CHSY3: variants seen among roughly 807,000 people sequenced by gnomAD.
CHSY3 encodes the protein N-acetylgalactosaminyl-proteoglycan 3-beta-glucuronosyltransferase 3.
A neutral mutation model predicts 67.2 loss-of-function variants in CHSY3; 35 were observed. That is an observed-to-expected ratio of 0.52 (90% confidence interval 0.40 to 0.69). The LOEUF (loss-of-function observed/expected upper bound fraction) is 0.69. CHSY3 is among the 30% of genes least tolerant of loss of function. The probability of loss-of-function intolerance (pLI) is 0.00; values close to 1 mark genes in which losing one functional copy is unlikely to be tolerated. For synonymous variants in CHSY3, 474 were observed against 434.7 expected, an observed-to-expected ratio of 1.09 and a Z score of -1.12; for missense variants, 1,069 against 1,138.5, an observed-to-expected ratio of 0.94 and a Z score of 0.88.
At chr5:129,992,771 G>A (rs1466132718) in intron 2 of CHSY3, among the ~76,000 whole-genome samples, 2 of 152,140 alleles carry the variant, frequency 1.3e-5, no homozygotes, top group Admixed American at 1.3e-4. Context: ...CTGCCTTAAG[G>A]TTTTGCCTAA....
At chr5:130,020,424 T>G (rs1421229060) in intron 2 of CHSY3, among the ~76,000 whole-genome samples, 1 of 4,744 alleles carries the variant, frequency 2.1e-4, no homozygotes, top group African/African-American at 3.2e-4. Flanking sequence ...CATCTCAAAA[T>G]ATATATATAT....
intron 2 of CHSY3, among the ~76,000 whole-genome samples, chr5:129,960,137 T>A (rs1762289064): frequency 6.6e-6 from 1 of 152,060 alleles, no homozygotes; most frequent in South Asian, 2.1e-4. Flanking sequence ...TAGCACATCT[T>A]CCTATCATGG....
intron 2 of CHSY3, among the ~76,000 whole-genome samples, chr5:130,178,225 A>ATT (rs1258091404): frequency 0.025 from 1,847 of 74,706 alleles, 23 homozygotes; most frequent in Non-Finnish European, 0.033. Context: ...ATATATTTAT[A>ATT]TTTATATATA....
chr5:130,145,039 A>G (rs1466062465), intron 2 of CHSY3, among the ~76,000 whole-genome samples: 1 of 152,060 alleles, frequency 6.6e-6, no homozygotes, highest in Non-Finnish European at 1.5e-5. Flanking sequence ...CATTTAAACA[A>G]CCAGATCTTA....
intron 2 of CHSY3, among the ~76,000 whole-genome samples, chr5:129,960,546 C>G (rs367848744): frequency 2.0e-5 from 3 of 151,740 alleles, no homozygotes; most frequent in African/African-American, 7.3e-5. Flanking sequence ...TACTTAAATA[C>G]GTGAGAAAAC....
intron 2 of CHSY3, among the ~76,000 whole-genome samples, chr5:130,142,127 A>G (rs1768887727): frequency 6.6e-6 from 1 of 152,184 alleles, no homozygotes; most frequent in Non-Finnish European, 1.5e-5. Context: ...TGCACTTTAT[A>G]AGTACTGTAT....
intron 2 of CHSY3, among the ~76,000 whole-genome samples, chr5:129,941,917 C>G (rs540900917): frequency 6.6e-6 from 1 of 152,254 alleles, no homozygotes; most frequent in Non-Finnish European, 1.5e-5. Flanking sequence ...TTGCTAGAAT[C>G]GCTCACAGAA....
chr5:129,972,162 T>C (rs1762660478), intron 2 of CHSY3, among the ~76,000 whole-genome samples: 1 of 152,070 alleles, frequency 6.6e-6, no homozygotes. Flanking sequence ...TATTTACAGA[T>C]TAAGTCAAAA....
At chr5:130,101,776 T>A (rs572762796) in intron 2 of CHSY3, among the ~76,000 whole-genome samples, 2 of 152,256 alleles carry the variant, frequency 1.3e-5, no homozygotes, top group African/African-American at 4.8e-5. Flanking sequence ...TGGGAAATCA[T>A]TTGATTCCAA....
rs896021919 is a variant in CHSY3, at chr5:129,904,511, GCTC to G, written c.-304_-302del. 262 of 262,102 alleles carry G rather than the reference GCTC, an allele frequency of 1.0e-3. No homozygotes were observed. Among genetic ancestry groups the G allele is most frequent in the African/African-American group, 2.4e-3 (109 of 44,602 alleles). The allele number at this position is 262,102 out of a possible 1,614,324, so 16.2% of individuals were successfully genotyped here. On this transcript the variant is annotated 5_prime_UTR_variant, in exon 1 of 3. Transcript: ENST00000305031. ...GAGCGGACGCGTTGCCGCCGCCGCT[GCTC>G]CTCCTCCTCCTCCTGCAGCTCCTCC...
At chr5:129,926,652 A>G (rs992988424) in intron 2 of CHSY3, among the ~76,000 whole-genome samples, 3 of 151,804 alleles carry the variant, frequency 2.0e-5, no homozygotes, top group Non-Finnish European at 4.4e-5. Context: ...AGTTGTGGTA[A>G]ATCAAATTTT....
In CHSY3 at chr5:130,186,551, G is replaced by T. The variant is rs1235595142; in HGVS notation, c.*760G>T. On this transcript the variant is annotated 3_prime_UTR_variant, in exon 3 of 3. Transcript: ENST00000305031. ...CTTTATGAAACAATGTCCTTCATTT[G>T]CTGGCAAGAAGATAAAATATGACAG... The T allele has an allele frequency of 1.3e-5, 2 of 152,692 alleles. No homozygotes were observed. The highest frequency in any genetic ancestry group is 2.9e-5 in the Non-Finnish European group (2 of 68,000). The allele number at this position is 152,692 out of a possible 1,614,324, so 9.5% of individuals were successfully genotyped here. A position where few individuals can be genotyped will look rare whatever the true frequency, so the allele number is the denominator to read the frequency against.
chr5:130,138,170 G>A (rs1768728063), intron 2 of CHSY3, among the ~76,000 whole-genome samples: 1 of 152,146 alleles, frequency 6.6e-6, no homozygotes, highest in African/African-American at 2.4e-5. Flanking sequence ...TGTTATTTAA[G>A]AATAGAAGCT....
intron 2 of CHSY3, among the ~76,000 whole-genome samples, chr5:130,081,546 C>A (rs1053539321): frequency 6.6e-6 from 1 of 151,980 alleles, no homozygotes; most frequent in Non-Finnish European, 1.5e-5. Context: ...GTGTCCCCAC[C>A]CAAATCCACT....
chr5:129,942,233 C>CT (rs1393579279), intron 2 of CHSY3, among the ~76,000 whole-genome samples: 3 of 152,104 alleles, frequency 2.0e-5, no homozygotes, highest in Non-Finnish European at 4.4e-5. Flanking sequence ...AAAACTATAA[C>CT]TAGAGCTTTT....
At chr5:130,153,655 A>G (rs1365204899) in intron 2 of CHSY3, among the ~76,000 whole-genome samples, 1 of 152,170 alleles carries the variant, frequency 6.6e-6, no homozygotes, top group African/African-American at 2.4e-5. Context: ...CACCTCTGCA[A>G]GTGCCACAGC....
chr5:130,050,300 C>A (rs1226027733), intron 2 of CHSY3, among the ~76,000 whole-genome samples: 6 of 152,078 alleles, frequency 3.9e-5, no homozygotes, highest in Admixed American at 2.6e-4. Context: ...CGTTCATTAT[C>A]TTTACCTGTT....
chr5:130,030,571 G>T (rs1764677388), intron 2 of CHSY3, among the ~76,000 whole-genome samples: 1 of 151,918 alleles, frequency 6.6e-6, no homozygotes, highest in Non-Finnish European at 1.5e-5. Context: ...TTATTATTTT[G>T]GTTTCTGAAA....
At chr5:129,962,215 G>A (rs1231916095) in intron 2 of CHSY3, among the ~76,000 whole-genome samples, 1 of 151,922 alleles carries the variant, frequency 6.6e-6, no homozygotes, top group Non-Finnish European at 1.5e-5. Flanking sequence ...ATAACCTTCA[G>A]CATCAAGCCT....
Sources: allele counts gnomAD v4.1 joint callset (sites outside exome capture counted in the v4.1 genomes callset), GRCh38; gene constraint gnomAD v4.1.1; transcripts MANE v1.5; gene names NCBI Gene and HGNC (gene_info 2026-07-23, HGNC 2026-07-21).